L3MBTL4: variants seen among roughly 807,000 people sequenced by gnomAD.
L3MBTL4 encodes the protein L3MBTL histone methyl-lysine binding protein 4, also known as lethal(3)malignant brain tumor-like protein 4.
In L3MBTL4, 70 loss-of-function variants were observed where a neutral mutation model predicts 84.5. The ratio of observed to expected loss-of-function variants is 0.83; its 90% CI spans 0.68 to 1.01. The LOEUF is 1.01. Ranked by LOEUF, L3MBTL4 falls within the 50% of genes least tolerant of loss-of-function variation. The pLI is 0.00. For synonymous variants in L3MBTL4, 274 were observed against 259.8 expected, an observed-to-expected ratio of 1.05 and a Z score of -0.52; for missense variants, 715 against 754.8, an observed-to-expected ratio of 0.95 and a Z score of 0.62.
intron 10 of L3MBTL4, among the ~76,000 whole-genome samples, chr18:6,226,393 G>A (rs1401792292): frequency 6.6e-6 from 1 of 152,084 alleles, no homozygotes; most frequent in Non-Finnish European, 1.5e-5. Flanking sequence ...GGAACAGAGT[G>A]AGATTCTGCC....
chr18:6,125,247 C>T (rs1287220832), intron 14 of L3MBTL4, among the ~76,000 whole-genome samples: 1 of 151,946 alleles, frequency 6.6e-6, no homozygotes, highest in Admixed American at 6.6e-5. Flanking sequence ...CCACTAGTAG[C>T]AAGAACACAA....
intron 16 of L3MBTL4, among the ~76,000 whole-genome samples, chr18:6,071,749 GAA>G (rs1568066435): frequency 1.6e-3 from 98 of 60,312 alleles, no homozygotes; most frequent in African/African-American, 4.4e-3. Flanking sequence ...AGGAAGGAAA[GAA>G]AGAAAGAAAA....
At chr18:6,000,738 A>C (rs1356544080) in intron 16 of L3MBTL4, among the ~76,000 whole-genome samples, 1 of 152,228 alleles carries the variant, frequency 6.6e-6, no homozygotes, top group East Asian at 1.9e-4. Flanking sequence ...TGCAATAACA[A>C]GACCTATCTT....
Position 6,170,093 on chromosome 18 carries a change from C to A in L3MBTL4, c.1096+1735G>T, listed in dbSNP as rs1392409972. Among the ~76,000 whole-genome samples, 3 of 152,136 alleles carry A rather than the reference C, an allele frequency of 2.0e-5. No individual in the cohort carries two copies. In the East Asian group the frequency reaches 5.8e-4, roughly 29 times the overall value. On this transcript the variant is annotated intron_variant, in intron 13 of 18. Transcript: ENST00000317931. Reference sequence around the variant, plus strand: ...TTCATGCGATAGATATTAATATTATCTTTATTTTATAGATGAGGAAACTGA... The same window carrying A: ...TTCATGCGATAGATATTAATATTATATTTATTTTATAGATGAGGAAACTGA...
intron 16 of L3MBTL4, among the ~76,000 whole-genome samples, chr18:6,052,438 C>A: frequency 6.6e-6 from 1 of 152,130 alleles, no homozygotes; most frequent in Non-Finnish European, 1.5e-5. Context: ...TTATATATAG[C>A]TAACTTTTAA....
chr18:6,140,622 C>T (rs2060169006), intron 13 of L3MBTL4, among the ~76,000 whole-genome samples: 1 of 152,056 alleles, frequency 6.6e-6, no homozygotes, highest in Non-Finnish European at 1.5e-5. Flanking sequence ...ACTTTCCCCT[C>T]TCCAAAGCAA....
chr18:6,346,316 C>CA (rs2052903898), intron 1 of L3MBTL4, among the ~76,000 whole-genome samples: 1 of 151,404 alleles, frequency 6.6e-6, no homozygotes, highest in Non-Finnish European at 1.5e-5. Flanking sequence ...AAAGCACAGG[C>CA]AATGAAAGCA....
intron 15 of L3MBTL4, among the ~76,000 whole-genome samples, chr18:6,089,294 C>T (rs767489309): frequency 2.3e-4 from 35 of 152,118 alleles, no homozygotes; most frequent in African/African-American, 6.5e-4. Context: ...GTGCTCAAGA[C>T]GGACATTTTG....
chr18:6,064,480 C>G (rs566174977), intron 16 of L3MBTL4, among the ~76,000 whole-genome samples: 1 of 152,050 alleles, frequency 6.6e-6, no homozygotes, highest in Non-Finnish European at 1.5e-5. Flanking sequence ...TTGATTCTTC[C>G]CATCCATGAG....
intron 1 of L3MBTL4, among the ~76,000 whole-genome samples, chr18:6,315,369 T>G (rs2146983074): frequency 6.6e-6 from 1 of 152,356 alleles, no homozygotes; most frequent in East Asian, 1.9e-4. Context: ...TTTTGATAAC[T>G]TATGCATGAA....
chr18:5,994,240 G>A (rs2053842244), intron 16 of L3MBTL4, among the ~76,000 whole-genome samples: 1 of 152,218 alleles, frequency 6.6e-6, no homozygotes, highest in Non-Finnish European at 1.5e-5. Flanking sequence ...CCAGGCATCT[G>A]CTTTTTGTCT....
At chr18:5,988,291 C>A (rs1350471305) in intron 16 of L3MBTL4, among the ~76,000 whole-genome samples, 1 of 152,114 alleles carries the variant, frequency 6.6e-6, no homozygotes, top group Non-Finnish European at 1.5e-5. Flanking sequence ...TTATTCTAAG[C>A]TAATTAAAAT....
intron 4 of L3MBTL4, among the ~76,000 whole-genome samples, chr18:6,284,611 C>T (rs1001112244): frequency 6.6e-6 from 1 of 152,260 alleles, no homozygotes; most frequent in Non-Finnish European, 1.5e-5. Context: ...CCCAAGCCCC[C>T]GGTCGCTTTT....
intron 14 of L3MBTL4, among the ~76,000 whole-genome samples, chr18:6,109,835 T>G (rs188091300): frequency 3.8e-4 from 58 of 152,278 alleles, no homozygotes; most frequent in African/African-American, 1.3e-3. Flanking sequence ...AACTTTCATT[T>G]GGTCTTTTTC....
intron 17 of L3MBTL4, among the ~76,000 whole-genome samples, chr18:5,963,080 G>T (rs2052145142): frequency 6.6e-6 from 1 of 152,166 alleles, no homozygotes; most frequent in African/African-American, 2.4e-5. Context: ...AGAGACAAGG[G>T]ACCAGTAACT....
At chr18:6,175,404 T>A (rs1201132146) in intron 12 of L3MBTL4, among the ~76,000 whole-genome samples, 12 of 152,148 alleles carry the variant, frequency 7.9e-5, no homozygotes, top group Non-Finnish European at 2.9e-5. Context: ...GAATACGCAC[T>A]TATAGATTTA....
chr18:6,333,810 A>G (rs2143251094), intron 1 of L3MBTL4, among the ~76,000 whole-genome samples: 1 of 152,328 alleles, frequency 6.6e-6, no homozygotes, highest in African/African-American at 2.4e-5. Context: ...CAATAATGTT[A>G]CAATGATCTT....
At chr18:6,013,743 G>A (rs770098779) in intron 16 of L3MBTL4, among the ~76,000 whole-genome samples, 2 of 152,210 alleles carry the variant, frequency 1.3e-5, no homozygotes, top group Non-Finnish European at 2.9e-5. Flanking sequence ...CTGTACATAT[G>A]AGGCAGACAT....
intron 16 of L3MBTL4, among the ~76,000 whole-genome samples, chr18:6,024,651 T>C (rs1439186119): frequency 6.6e-6 from 1 of 152,218 alleles, no homozygotes; most frequent in East Asian, 1.9e-4. Flanking sequence ...TACTCATTTT[T>C]CCAAACTAAG....
Sources: gnomAD v4.1 joint callset for allele counts (sites outside exome capture counted in the v4.1 genomes callset) on GRCh38, gnomAD v4.1.1 for gene constraint, MANE v1.5 for transcripts, NCBI Gene and HGNC (gene_info 2026-07-23, HGNC 2026-07-21) for gene names.